Variants in TANC2 observed in about 807,000 individuals in gnomAD.
The protein encoded by TANC2 is protein TANC2.
Under a neutral mutation model 210.5 loss-of-function variants are expected in TANC2, and 26 were observed. The observed-to-expected ratio is 0.12, with a 90% confidence interval of 0.09 to 0.17. The LOEUF (loss-of-function observed/expected upper bound fraction) is 0.17. Among genes scored for constraint, TANC2 ranks in the 10% least tolerant of loss-of-function variants. TANC2 has a pLI of 1.00. For synonymous variants in TANC2, 931 were observed against 967.1 expected, an observed-to-expected ratio of 0.96 and a Z score of 0.69; for missense variants, 2,129 against 2,608.9, an observed-to-expected ratio of 0.82 and a Z score of 4.01.
intron 15 of TANC2, among the ~76,000 whole-genome samples, chr17:63,387,156 A>T (rs2047809667): frequency 6.6e-6 from 1 of 152,188 alleles, no homozygotes; most frequent in African/African-American, 2.4e-5. Flanking sequence ...GGCTGAAAAT[A>T]AAATTTTTAA....
At chr17:62,992,505 T>A (rs1353065347) in intron 1 of TANC2, among the ~76,000 whole-genome samples, 1 of 152,250 alleles carries the variant, frequency 6.6e-6, no homozygotes, top group African/African-American at 2.4e-5. Flanking sequence ...TTCACTGATT[T>A]GTTAAATGAT....
intron 4 of TANC2, among the ~76,000 whole-genome samples, chr17:63,135,302 A>G (rs1486009179): frequency 1.3e-5 from 2 of 152,346 alleles, no homozygotes; most frequent in South Asian, 2.1e-4. Flanking sequence ...ACTGTTGCAT[A>G]GATTGAATTT....
chr17:63,186,503 C>G (rs2040990348), intron 5 of TANC2, among the ~76,000 whole-genome samples: 1 of 152,146 alleles, frequency 6.6e-6, no homozygotes, highest in South Asian at 2.1e-4. Context: ...CAGGCACCTG[C>G]CAGCACACCC....
At chr17:63,076,233 A>G (rs2036567600) in intron 3 of TANC2, among the ~76,000 whole-genome samples, 1 of 152,128 alleles carries the variant, frequency 6.6e-6, no homozygotes, top group South Asian at 2.1e-4. Flanking sequence ...TATCCTTAGG[A>G]GTGGGGAAAA....
At chr17:63,287,544 T>C (rs145257982) in intron 9 of TANC2, among the ~76,000 whole-genome samples, 362 of 152,340 alleles carry the variant, frequency 2.4e-3, no homozygotes, top group Middle Eastern at 6.8e-3. Context: ...TCTGAAATGT[T>C]ATTTGCAGAC....
chr17:63,212,948 T>C (rs2041928347), intron 7 of TANC2, among the ~76,000 whole-genome samples: 1 of 152,242 alleles, frequency 6.6e-6, no homozygotes, highest in Non-Finnish European at 1.5e-5. Context: ...ATTTTTAATT[T>C]ATGAGACATA....
intron 4 of TANC2, among the ~76,000 whole-genome samples, chr17:63,111,789 A>C (rs2038057373): frequency 6.6e-6 from 1 of 152,038 alleles, no homozygotes; most frequent in Non-Finnish European, 1.5e-5. Context: ...GCAGTGGCAC[A>C]ATCTCAGCTC....
chr17:63,221,245 A>G (rs949071711), intron 7 of TANC2, among the ~76,000 whole-genome samples: 2 of 152,090 alleles, frequency 1.3e-5, no homozygotes, highest in Non-Finnish European at 2.9e-5. Context: ...AGCCTGGCCA[A>G]CATGGCAAAA....
At chr17:63,201,416 T>C (rs1205306532) in intron 7 of TANC2, among the ~76,000 whole-genome samples, 1 of 152,168 alleles carries the variant, frequency 6.6e-6, no homozygotes, top group African/African-American at 2.4e-5. Context: ...GGAGCCCCTT[T>C]AGACTTTGTT....
At chr17:63,239,728 C>T (rs1567844218) in intron 8 of TANC2, among the ~76,000 whole-genome samples, 1 of 152,156 alleles carries the variant, frequency 6.6e-6, no homozygotes, top group Non-Finnish European at 1.5e-5. Flanking sequence ...TATTCTTATA[C>T]TGCTATAAAG....
At chr17:63,059,837 C>G (rs192152313) in intron 2 of TANC2, among the ~76,000 whole-genome samples, 82 of 152,226 alleles carry the variant, frequency 5.4e-4, no homozygotes, top group Non-Finnish European at 1.0e-3. Context: ...TCATTTAGTA[C>G]ATTTCCTTTT....
intron 11 of TANC2, chr17:63,334,081 A>C (rs931942338): frequency 7.2e-5 from 11 of 152,162 alleles, no homozygotes; most frequent in Non-Finnish European, 1.2e-4. Flanking sequence ...CAGTATCTCC[A>C]AGGTATGCCT....
intron 11 of TANC2, chr17:63,320,414 C>G (rs1480333023): frequency 6.6e-6 from 1 of 152,120 alleles, no homozygotes; most frequent in Non-Finnish European, 1.5e-5. Context: ...TGTCCCTCCT[C>G]TTTTGTGTTT....
rs372600035 is a variant in TANC2, at chr17:63,354,772, C to T, written c.1975-11C>T. On this transcript the variant is annotated splice_polypyrimidine_tract_variant and intron_variant, in intron 13 of 27. Transcript: ENST00000689528. The stretch of plus-strand genomic sequence containing the variant: ...GTCTTTCTGTCTCTTTCTCTCTCTC[C>T]ATCTTTTTAGGAAATTACCAAGCTG... 1.9e-6 allele frequency: 3 copies of T among 1,546,624 alleles called. No individual in the cohort carries two copies. Among genetic ancestry groups the T allele is most frequent in the Non-Finnish European group, 1.7e-6 (2 of 1,151,802 alleles).
At chr17:62,998,206 A>C (rs1447257806) in intron 1 of TANC2, among the ~76,000 whole-genome samples, 3 of 152,194 alleles carry the variant, frequency 2.0e-5, no homozygotes, top group Non-Finnish European at 4.4e-5. Context: ...AATAACTCAG[A>C]CAAAAATAAA....
At chr17:63,200,153 C>T (rs893195630) in intron 6 of TANC2, among the ~76,000 whole-genome samples, 6 of 151,398 alleles carry the variant, frequency 4.0e-5, no homozygotes, top group African/African-American at 1.2e-4. Flanking sequence ...GTCAGGAGTT[C>T]GAGACCACCC....
chr17:63,426,026 C>G (rs563673776), exon 28 of TANC2: 12 of 152,400 alleles, frequency 7.9e-5, no homozygotes, highest in African/African-American at 2.9e-4. Flanking sequence ...TAGGCTATCC[C>G]AGGGGGCAAG....
chr17:63,409,190 G>A (rs2048610475), intron 21 of TANC2, among the ~76,000 whole-genome samples: 2 of 151,728 alleles, frequency 1.3e-5, no homozygotes, highest in Admixed American at 1.3e-4. Flanking sequence ...TCTTTTTTTA[G>A]AGGCAAGGTC....
At chr17:63,369,538 GAAT>G (rs974091694) in intron 14 of TANC2, among the ~76,000 whole-genome samples, 49 of 150,694 alleles carry the variant, frequency 3.3e-4, no homozygotes, top group African/African-American at 1.1e-3. Flanking sequence ...TTGTGGAAAG[GAAT>G]AATAATTTCA....
Sources: gnomAD v4.1 joint callset for allele counts (sites outside exome capture counted in the v4.1 genomes callset) on GRCh38, gnomAD v4.1.1 for gene constraint, MANE v1.5 for transcripts, NCBI Gene and HGNC (gene_info 2026-07-23, HGNC 2026-07-21) for gene names.